The following ECT2L variants were observed in gnomAD, a reference collection of about 807,000 sequenced individuals.
ECT2L encodes epithelial cell-transforming sequence 2 oncogene-like.
Under a neutral mutation model 122.8 loss-of-function variants are expected in ECT2L, and 126 were observed. That is an observed-to-expected ratio of 1.03 (90% confidence interval 0.89 to 1.19). The LOEUF (loss-of-function observed/expected upper bound fraction) is 1.19. Among genes scored for constraint, ECT2L ranks in the 50% most tolerant of loss-of-function variants. The pLI is 0.00. For missense variants in ECT2L, 1,012 were observed against 1,064.1 expected, an observed-to-expected ratio of 0.95 and a Z score of 0.68; for synonymous variants, 385 against 381.8, an observed-to-expected ratio of 1.01 and a Z score of -0.10.
intron 10 of ECT2L, among the ~76,000 whole-genome samples, chr6:138,862,173 T>C (rs1471556294): frequency 1.3e-5 from 2 of 152,232 alleles, no homozygotes; most frequent in African/African-American, 4.8e-5. Flanking sequence ...AGTCTGTTCT[T>C]GCATTGCTAT....
chr6:138,834,931 A>ACTCTCT (rs879771435), intron 4 of ECT2L, among the ~76,000 whole-genome samples: 99 of 90,958 alleles, frequency 1.1e-3, no homozygotes, highest in Middle Eastern at 7.5e-3. Flanking sequence ...ACACACACAC[A>ACTCTCT]CACACTCTCA....
chr6:138,861,981 T>C (rs550878720), intron 10 of ECT2L, among the ~76,000 whole-genome samples: 11 of 152,314 alleles, frequency 7.2e-5, no homozygotes, highest in Admixed American at 7.2e-4. Context: ...TCAAACTCCA[T>C]GCCCTCTTTC....
At chr6:138,819,516 C>A (rs1562456666) in intron 4 of ECT2L, among the ~76,000 whole-genome samples, 1 of 149,346 alleles carries the variant, frequency 6.7e-6, no homozygotes, top group Non-Finnish European at 1.5e-5. Flanking sequence ...AATGATGGCT[C>A]CATGATAGCA....
At chr6:138,842,193 T>C (rs113173846) in intron 5 of ECT2L, among the ~76,000 whole-genome samples, 4,418 of 152,332 alleles carry the variant, frequency 0.029, 225 homozygotes, top group African/African-American at 0.1. Flanking sequence ...GTGCAGTGGC[T>C]TACACCTGTA....
At chr6:138,882,596 A>G in intron 15 of ECT2L, 128 bp from the exon 16 acceptor site, 2 of 1,120,424 alleles carry the variant, frequency 1.8e-6, no homozygotes, top group South Asian at 3.3e-5. Context: ...TGTTAGGAAG[A>G]AATGACTTGA....
chr6:138,798,332 A>G (rs1235178439), intron 1 of ECT2L, among the ~76,000 whole-genome samples: 1 of 152,214 alleles, frequency 6.6e-6, no homozygotes, highest in Non-Finnish European at 1.5e-5. Context: ...CCTGGTAACC[A>G]GCCCCCATCC....
intron 4 of ECT2L, among the ~76,000 whole-genome samples, chr6:138,818,330 C>T (rs1171380537): frequency 6.6e-6 from 1 of 152,144 alleles, no homozygotes; most frequent in African/African-American, 2.4e-5. Context: ...TAAGAGAGAA[C>T]AGCCCCCTCT....
At position 138,844,287 on chromosome 6, in the gene ECT2L, G is replaced by C. The variant is rs1777142461; in HGVS notation, c.596-125G>C. 3 of 1,100,358 alleles carry C rather than the reference G, an allele frequency of 2.7e-6. 1 individual carries two copies. Among genetic ancestry groups the C allele is most frequent in the African/African-American group, 1.6e-5 (1 of 63,942 alleles). 68.2% of individuals were successfully genotyped at this position (1,100,358 alleles called of 1,614,324 possible). On this transcript the variant is annotated intron_variant, in intron 6 of 21. Transcript: ENST00000541398. ...AATCCAAACCGAGTGCATGAAAATG[G>C]CTGTAATTATTGTCATTTGGAACCT...
At chr6:138,873,667 G>A (rs1778332933) in intron 13 of ECT2L, among the ~76,000 whole-genome samples, 1 of 152,052 alleles carries the variant, frequency 6.6e-6, no homozygotes, top group Non-Finnish European at 1.5e-5. Flanking sequence ...GGTGGTGGGC[G>A]CCTGTAATCC....
chr6:138,898,925 G>A (rs1013367424), intron 20 of ECT2L, among the ~76,000 whole-genome samples: 3 of 152,042 alleles, frequency 2.0e-5, no homozygotes, highest in Non-Finnish European at 4.4e-5. Context: ...GGTACCATAA[G>A]AGATTAACAA....
At chr6:138,883,607 T>C (rs1778714480) in intron 16 of ECT2L, among the ~76,000 whole-genome samples, 1 of 152,230 alleles carries the variant, frequency 6.6e-6, no homozygotes, top group South Asian at 2.1e-4. Context: ...CTCCGGCCCT[T>C]GGACAGCTTC....
intron 1 of ECT2L, among the ~76,000 whole-genome samples, chr6:138,807,402 C>T (rs1435610797): frequency 1.3e-5 from 2 of 152,144 alleles, no homozygotes; most frequent in Non-Finnish European, 2.9e-5. Flanking sequence ...ATTTCTTTAG[C>T]CAGGTCTATA....
At position 138,846,523 on chromosome 6, in the gene ECT2L, T is replaced by C; in HGVS notation, c.765-16T>C. On this transcript the variant is annotated splice_polypyrimidine_tract_variant and intron_variant, in intron 7 of 21. Transcript: ENST00000541398. Reference sequence around the variant, plus strand: ...AGAGAAAATGAAAACTTCTCATATTTCCTTTTACTCCATAGAAGCAATATT... The same window carrying C: ...AGAGAAAATGAAAACTTCTCATATTCCCTTTTACTCCATAGAAGCAATATT... 6.4e-7 allele frequency: 1 copy of C among 1,560,008 alleles called. No individual in the cohort carries two copies. The highest frequency in any genetic ancestry group is 8.6e-7 in the Non-Finnish European group (1 of 1,157,654).
chr6:138,871,676 C>T (rs547626090), intron 13 of ECT2L, among the ~76,000 whole-genome samples: 2 of 152,180 alleles, frequency 1.3e-5, no homozygotes, highest in East Asian at 3.9e-4. Context: ...CATGGTGGGG[C>T]ACACCTGTAG....
chr6:138,885,316 T>C (rs1386919561), intron 16 of ECT2L, among the ~76,000 whole-genome samples, 190 bp from the exon 17 acceptor site: 1 of 152,070 alleles, frequency 6.6e-6, no homozygotes, highest in East Asian at 1.9e-4. Flanking sequence ...GCATGAGCCA[T>C]AGCGCCCGGC....
chr6:138,862,836 T>G, intron 11 of ECT2L, 117 bp downstream of exon 11: 1 of 749,894 alleles, frequency 1.3e-6, no homozygotes, highest in Non-Finnish European at 2.2e-6. Context: ...CTCTCTTTCA[T>G]TCCTCCCCTG....
At chr6:138,814,639 C>T (rs1776009767) in intron 4 of ECT2L, 36 bp downstream of exon 4, 1 of 1,304,298 alleles carries the variant, frequency 7.7e-7, no homozygotes, top group Non-Finnish European at 1.1e-6. Context: ...AACATTGATT[C>T]TTAAAGAAAA....
chr6:138,866,837 C>G (rs1778057735), intron 12 of ECT2L, among the ~76,000 whole-genome samples: 1 of 152,092 alleles, frequency 6.6e-6, no homozygotes, highest in Non-Finnish European at 1.5e-5. Context: ...GTTTGGGAAG[C>G]CAAGGCAGGT....
chr6:138,862,175 C>A (rs539856579), intron 10 of ECT2L, among the ~76,000 whole-genome samples: 6 of 152,282 alleles, frequency 3.9e-5, no homozygotes, highest in African/African-American at 1.4e-4. Context: ...TCTGTTCTTG[C>A]ATTGCTATAA....
Sources: gnomAD v4.1 joint callset for allele counts (sites outside exome capture counted in the v4.1 genomes callset) on GRCh38, gnomAD v4.1.1 for gene constraint, MANE v1.5 for transcripts, NCBI Gene and HGNC (gene_info 2026-07-23, HGNC 2026-07-21) for gene names.